Variants in LAMA1 observed in about 807,000 individuals in gnomAD.
LAMA1 encodes laminin subunit alpha-1.
In LAMA1, 219 loss-of-function variants were observed where a neutral mutation model predicts 348.7. That is an observed-to-expected ratio of 0.63 (90% CI 0.56 to 0.70). LAMA1 has a LOEUF of 0.70. LAMA1 is among the 30% of genes least tolerant of loss of function. The probability of loss-of-function intolerance (pLI) is 0.00; values close to 1 mark genes in which losing one functional copy is unlikely to be tolerated. For synonymous variants in LAMA1, 1,487 were observed against 1,491.0 expected, an observed-to-expected ratio of 1.00 and a Z score of 0.06; for missense variants, 3,744 against 3,888.0, an observed-to-expected ratio of 0.96 and a Z score of 0.99.
At chr18:7,098,756 A>AG (rs2058276352) in intron 1 of LAMA1, among the ~76,000 whole-genome samples, 32 of 80,836 alleles carry the variant, frequency 4.0e-4, no homozygotes, top group Admixed American at 7.2e-4. Flanking sequence ...CACCCCGTCC[A>AG]GGAGGTGAGG....
chr18:6,987,992 T>TA (rs2057742701), intron 36 of LAMA1, among the ~76,000 whole-genome samples: 1 of 152,132 alleles, frequency 6.6e-6, no homozygotes, highest in Non-Finnish European at 1.5e-5. Flanking sequence ...TGCGTGCCTG[T>TA]AGTCCCAGCT....
At position 7,085,575 on chromosome 18, in the gene LAMA1, A is replaced by T. The variant is rs531829491; in HGVS notation, c.62-5118T>A. Among the ~76,000 whole-genome samples, 610 of 151,122 alleles carry T rather than the reference A, an allele frequency of 4.0e-3. 2 individuals are homozygous for T. The highest frequency in any genetic ancestry group is 6.9e-3 in the Middle Eastern group (2 of 288). Reference sequence around the variant, plus strand: ...CTGGGACTATAGGCACCCGCCACCAAGCCCGGCTAATTTTTTGTATTTTTA... The same window carrying T: ...CTGGGACTATAGGCACCCGCCACCATGCCCGGCTAATTTTTTGTATTTTTA... On this transcript the variant is annotated intron_variant, in intron 1 of 62. Transcript: ENST00000389658.
At chr18:7,085,909 T>C (rs1167373262) in intron 1 of LAMA1, among the ~76,000 whole-genome samples, 2 of 152,208 alleles carry the variant, frequency 1.3e-5, no homozygotes, top group Admixed American at 6.5e-5. Flanking sequence ...TCTGGAACTA[T>C]TTAATAATAT....
In LAMA1 at chr18:6,958,611, G is replaced by T. The variant is rs374593621; in HGVS notation, c.7830C>A (p.Gly2610=). The change falls in exon 55 of 63, where the codon GGC becomes GGA. Residue 2610 remains glycine (G), a synonymous_variant. Transcript: ENST00000389658. ...TTATCGTCCTGCTTTCTACTAATGTGCCCAACTTCATTTCCACAGGATTGT... is the reference window on the plus strand; with the variant it reads ...TTATCGTCCTGCTTTCTACTAATGTTCCCAACTTCATTTCCACAGGATTGT... ...DENNPVEMKL[G]TLVESRTINV... 8.8e-5 allele frequency: 142 copies of T among 1,613,964 alleles called. No homozygotes were observed. The highest frequency in any genetic ancestry group is 1.6e-4 in the Middle Eastern group (1 of 6,084).
rs139804199 is a variant in LAMA1 at position 7,050,728 on chromosome 18, T to A, written c.554A>T (p.Tyr185Phe). 1.2e-6 allele frequency: 2 copies of A among 1,614,040 alleles called. No individual in the cohort carries two copies. The highest frequency in any genetic ancestry group is 1.7e-6 in the Non-Finnish European group (2 of 1,180,002). Reference protein sequence around the residue: ...RADDEVICTSYYSRLVPLEHG... With the variant: ...RADDEVICTSFYSRLVPLEHG... ...CTCAAGTGGCACCAATCTGGAATAA[T>A]AGGAGGTGCAGATCACTTCATCATC... The change falls in exon 4 of 63, where the codon TAT (tyrosine) becomes TTT (phenylalanine). Residue 185 changes from tyrosine (Y) to phenylalanine (F), a missense_variant. Tyr to Phe is a conservative substitution (Grantham distance 22). Around this residue, in one of 3 missense-constraint regions of LAMA1, gnomAD observed 1,529 missense variants for 1,689.4 expected, o/e 0.91. Coordinates refer to ENST00000389658, the MANE Select transcript of LAMA1 (RefSeq NM_005559.4).
chr18:7,099,590 T>C (rs868072993), intron 1 of LAMA1, among the ~76,000 whole-genome samples: 24 of 151,848 alleles, frequency 1.6e-4, no homozygotes, highest in African/African-American at 5.1e-4. Context: ...TTATAAACTT[T>C]CCAGAAGAAA....
Position 7,043,412 on chromosome 18 carries a change from G to T in LAMA1, c.977-7C>A. On this transcript the variant is annotated splice_polypyrimidine_tract_variant and splice_region_variant and intron_variant, in intron 7 of 62. Coordinates refer to ENST00000389658, the MANE Select transcript of LAMA1 (RefSeq NM_005559.4). ...TTATTGTGACAATTACATGCTAGGA[G>T]AATATTTTTAACATCTCAATTAATT... is the stretch of plus-strand genomic sequence containing the variant. 1 of 1,610,374 alleles carries T rather than the reference G, an allele frequency of 6.2e-7. No individual in the cohort carries two copies. The highest frequency in any genetic ancestry group is 8.5e-7 in the Non-Finnish European group (1 of 1,178,818).
intron 13 of LAMA1, 138 bp downstream of exon 13, chr18:7,035,849 C>T (rs1005164575): frequency 1.9e-5 from 14 of 718,592 alleles, no homozygotes; most frequent in Middle Eastern, 2.4e-4. Flanking sequence ...GTAGTCCCCA[C>T]GCAAGTCCAG....
rs201434107 is a variant in LAMA1 at position 7,079,082 on chromosome 18, T to TA, written c.345+892dup. On this transcript the variant is annotated intron_variant, in intron 3 of 62. Transcript: ENST00000389658. ...AATTCTGATTGTCATTAAATCTCTA[T>TA]AATTCCTATTTAAATCCTACAATGC... Among the ~76,000 whole-genome samples, 1,426 of 152,332 alleles carry TA rather than the reference T, an allele frequency of 9.4e-3. 6 individuals carry two copies. The highest frequency in any genetic ancestry group is 0.017 in the Middle Eastern group (5 of 294).
rs558029685 is a variant in LAMA1, at chr18:7,098,703, A to G, written c.62-18246T>C. Among the ~76,000 whole-genome samples, 1,242 of 138,716 alleles carry G rather than the reference A, an allele frequency of 9.0e-3. 24 individuals are homozygous for G. Among genetic ancestry groups the G allele is most frequent in the African/African-American group, 0.031 (1,154 of 37,534 alleles). The allele number at this position is 138,716 out of a possible 152,430, so 91.0% of individuals were successfully genotyped here. ...AGCGTCTCCGCCCGGCAGCCACCCCATCCGGGAGGGAGGTGGGGGGGTCAG... is the reference window on the plus strand; with the variant it reads ...AGCGTCTCCGCCCGGCAGCCACCCCGTCCGGGAGGGAGGTGGGGGGGTCAG... On this transcript the variant is annotated intron_variant, in intron 1 of 62. Coordinates refer to ENST00000389658, the MANE Select transcript of LAMA1 (RefSeq NM_005559.4).
Position 6,978,324 on chromosome 18 carries a change from C to T in LAMA1, c.6062G>A (p.Ser2021Asn), listed in dbSNP as rs1405212608. 5 of 1,614,244 alleles carry T rather than the reference C, an allele frequency of 3.1e-6. No individual in the cohort carries two copies. The highest frequency in any genetic ancestry group is 2.5e-6 in the Non-Finnish European group (3 of 1,180,050). Residue 2021 changes from serine to asparagine, a missense_variant, in exon 43 of 63, where the codon AGC becomes AAC. By Grantham distance (46) the Ser-to-Asn change is conservative. Coordinates refer to ENST00000389658, the MANE Select transcript of LAMA1 (RefSeq NM_005559.4). Reference protein sequence around the residue: ...TKELATSASQSAVSTLRDVAG... With the variant: ...TKELATSASQNAVSTLRDVAG... ...CACGTCCCTCAGCGTGCTCACCGCG[C>T]TCTGGCTTGCAGACGTGGCCAGCTC...
chr18:7,012,912 C>A (rs1600393163), intron 23 of LAMA1, among the ~76,000 whole-genome samples: 1 of 150,946 alleles, frequency 6.6e-6, no homozygotes, highest in Non-Finnish European at 1.5e-5. Context: ...GTAATCCCAG[C>A]ACTTTGGGAG....
chr18:7,017,102 T>C (rs2057892088), intron 20 of LAMA1, among the ~76,000 whole-genome samples, 176 bp downstream of exon 20: 1 of 152,176 alleles, frequency 6.6e-6, no homozygotes, highest in Non-Finnish European at 1.5e-5. Flanking sequence ...TCCCCAACCA[T>C]GCGAAACTGT....
intron 61 of LAMA1, among the ~76,000 whole-genome samples, chr18:6,946,738 T>A (rs980999334): frequency 1.3e-5 from 2 of 151,960 alleles, no homozygotes; most frequent in African/African-American, 4.8e-5. Flanking sequence ...AAAAAATGCA[T>A]AGTGCTACCA....
rs1286811501 is a variant in LAMA1, at chr18:6,977,869, C to A, written c.6203G>T (p.Gly2068Val). The stretch of plus-strand genomic sequence containing the variant: ...AATTTCCACGTCTTTGACTTTTCTT[C>A]CAGCCAACAGAGCTAACAAATACAA... ...QDSTMATLLAGRKVKDVEIQA... is the reference protein window; with the variant it reads ...QDSTMATLLAVRKVKDVEIQA... The change falls in exon 44 of 63, where the codon GGA becomes GTA. Residue 2068 changes from glycine (G) to valine (V), a missense_variant. Around this residue, in one of 3 missense-constraint regions of LAMA1, gnomAD observed 1,983 missense variants for 1,934.3 expected, o/e 1.03. Coordinates refer to ENST00000389658, the MANE Select transcript of LAMA1 (RefSeq NM_005559.4). 3.7e-6 allele frequency: 6 copies of A among 1,612,360 alleles called. No homozygotes were observed. Among genetic ancestry groups the A allele is most frequent in the Non-Finnish European group, 5.1e-6 (6 of 1,179,998 alleles).
intron 17 of LAMA1, 23 bp from the exon 18 acceptor site, chr18:7,024,489 C>A: frequency 6.3e-7 from 1 of 1,584,210 alleles, no homozygotes. Flanking sequence ...TAGAAATGAA[C>A]AAAATTTTCC....
intron 33 of LAMA1, among the ~76,000 whole-genome samples, chr18:6,996,045 T>C (rs4127405): frequency 0.067 from 10,215 of 152,222 alleles, 599 homozygotes; most frequent in African/African-American, 0.16. Context: ...ATTTGATATA[T>C]ATAAAATAGT....
chr18:7,070,920 AAC>A (rs2058143349), intron 3 of LAMA1, among the ~76,000 whole-genome samples: 1 of 151,024 alleles, frequency 6.6e-6, no homozygotes, highest in Non-Finnish European at 1.5e-5. Context: ...AAAAAAAAAA[AAC>A]ACGTTAGGTA....
intron 3 of LAMA1, among the ~76,000 whole-genome samples, chr18:7,053,552 T>G (rs1487643505): frequency 1.3e-5 from 2 of 151,058 alleles, no homozygotes; most frequent in Non-Finnish European, 2.9e-5. Flanking sequence ...GGAAACAAAC[T>G]GGGGGGAAAA....
Sources: allele counts gnomAD v4.1 joint callset (sites outside exome capture counted in the v4.1 genomes callset), GRCh38; gene constraint gnomAD v4.1.1; regional missense constraint gnomAD v4.1.1; transcripts MANE v1.5; gene names NCBI Gene and HGNC (gene_info 2026-07-23, HGNC 2026-07-21).